PWWP2A: variants seen among roughly 807,000 people sequenced by gnomAD.
PWWP2A encodes the protein PWWP domain-containing protein 2A.
PWWP2A carries 18 observed loss-of-function variants against 48.5 expected under a neutral mutation model. The observed-to-expected ratio is 0.37, with a 90% CI of 0.26 to 0.55. The LOEUF (loss-of-function observed/expected upper bound fraction) is 0.55, where lower values mean the gene tolerates loss of function less well. Among genes scored for constraint, PWWP2A ranks in the 20% least tolerant of loss-of-function variants. The pLI is 0.81. For missense variants in PWWP2A, 867 were observed against 976.4 expected, an observed-to-expected ratio of 0.89 and a Z score of 1.49; for synonymous variants, 396 against 387.7, an observed-to-expected ratio of 1.02 and a Z score of -0.25.
At chr5:160,103,634 G>C (rs1024653981) in intron 1 of PWWP2A, among the ~76,000 whole-genome samples, 13 of 152,014 alleles carry the variant, frequency 8.6e-5, no homozygotes, top group African/African-American at 3.1e-4. Context: ...TAAGTGAAGA[G>C]CAAAACAGGG....
the PWWP2A span, among the ~76,000 whole-genome samples, chr5:160,048,807 C>G: frequency 6.6e-6 from 1 of 152,062 alleles, no homozygotes; most frequent in Non-Finnish European, 1.5e-5. Flanking sequence ...AAAAATTAGC[C>G]GGGCATGGTG....
At chr5:160,108,846 C>T (rs975885739) in intron 1 of PWWP2A, among the ~76,000 whole-genome samples, 2 of 152,066 alleles carry the variant, frequency 1.3e-5, no homozygotes, top group Admixed American at 1.3e-4. Flanking sequence ...AATTAAAATG[C>T]CCAAGCATTT....
At chr5:160,086,599 C>T (rs139604309), downstream of PWWP2A, among the ~76,000 whole-genome samples, 1 of 151,798 alleles carries the variant, frequency 6.6e-6, no homozygotes, top group African/African-American at 2.4e-5. Context: ...TTTTTAACAT[C>T]AAGGCTTTAT....
chr5:160,050,864 G>A, the PWWP2A span, among the ~76,000 whole-genome samples: 1 of 151,882 alleles, frequency 6.6e-6, no homozygotes. Flanking sequence ...GAGCTCAAGC[G>A]ATCCTCCCAA....
chr5:160,062,755 A>G (rs28373768), intron 5 of PWWP2A, among the ~76,000 whole-genome samples: 41 of 151,698 alleles, frequency 2.7e-4, no homozygotes, highest in African/African-American at 9.9e-4. Context: ...ACTCCATATC[A>G]CAAGAGCCAA....
chr5:160,115,454 C>T (rs1044964585), intron 1 of PWWP2A, among the ~76,000 whole-genome samples: 5 of 151,892 alleles, frequency 3.3e-5, no homozygotes, highest in African/African-American at 7.3e-5. Context: ...CACTTTGAGA[C>T]GCCGAGGTAG....
rs1193607644 is a variant in PWWP2A at position 160,085,064 on chromosome 5, T to C, written c.1550-4294A>G. Among the ~76,000 whole-genome samples the C allele has an allele frequency of 2.0e-5, 3 of 152,298 alleles. No individual in the cohort carries two copies. The East Asian group carries it at 5.8e-4, about 29-fold the overall frequency. The stretch of plus-strand genomic sequence containing the variant: ...TTTATTTAGAGATGGAGTTTCACTC[T>C]GTTACCCAGGCTGGAGTGTGGTGGC... On this transcript the variant is annotated intron_variant, in intron 2 of 3. Transcript: ENST00000456329.
At chr5:160,106,847 C>CA (rs1490915435) in intron 1 of PWWP2A, among the ~76,000 whole-genome samples, 1 of 113,322 alleles carries the variant, frequency 8.8e-6, no homozygotes, top group Non-Finnish European at 1.7e-5. Flanking sequence ...TTTTTTGAGA[C>CA]AGAGTCTCAC....
At chr5:160,062,228 C>T (rs1442084878) in intron 5 of PWWP2A, 1 of 152,228 alleles carries the variant, frequency 6.6e-6, no homozygotes, top group East Asian at 1.9e-4. Context: ...AGAATTCTTC[C>T]TCTCGTCGGC....
In PWWP2A at chr5:160,084,190, T is replaced by C. The variant is rs544540747; in HGVS notation, c.1550-3420A>G. ...GACATTTTTTTTATTGCTTTAAATA[T>C]TCTTTTAAATTCTCACAATTATCTT... On this transcript the variant is annotated intron_variant, in intron 2 of 3. Coordinates refer to the PWWP2A transcript ENST00000456329. 3.3e-5 allele frequency among the ~76,000 whole-genome samples: 5 copies of C among 152,316 alleles called. No individual in the cohort carries two copies. The South Asian group carries it at 8.3e-4, about 25-fold the overall frequency.
At chr5:160,075,768 G>A (rs1753856061), downstream of PWWP2A, 2 of 103,266 alleles carry the variant, frequency 1.9e-5, no homozygotes, top group Non-Finnish European at 1.8e-5. Flanking sequence ...ACTGAAAACA[G>A]CTCCCTAAAG....
At chr5:160,102,498 T>C (rs1756424224) in intron 1 of PWWP2A, among the ~76,000 whole-genome samples, 1 of 150,882 alleles carries the variant, frequency 6.6e-6, no homozygotes, top group Non-Finnish European at 1.5e-5. Flanking sequence ...GGAGTTTAAT[T>C]AAGTCCAGCC....
intron 2 of PWWP2A, among the ~76,000 whole-genome samples, chr5:160,082,503 G>A (rs115268626): frequency 0.024 from 3,587 of 152,136 alleles, 154 homozygotes; most frequent in African/African-American, 0.081. Flanking sequence ...AAACTTGTTA[G>A]GTTTCAACAA....
At chr5:160,103,050 G>T (rs1007456133) in intron 1 of PWWP2A, among the ~76,000 whole-genome samples, 1 of 152,090 alleles carries the variant, frequency 6.6e-6, no homozygotes, top group African/African-American at 2.4e-5. Context: ...TCTTAGAAAA[G>T]AAATGCTCCA....
downstream of PWWP2A, among the ~76,000 whole-genome samples, chr5:160,088,437 C>G (rs917463680): frequency 6.6e-5 from 10 of 152,002 alleles, no homozygotes; most frequent in Non-Finnish European, 1.5e-4. Flanking sequence ...TTAATAGAGA[C>G]GGGGGTTTCG....
At chr5:160,117,623 C>T (rs1156420094) in intron 1 of PWWP2A, among the ~76,000 whole-genome samples, 2 of 151,408 alleles carry the variant, frequency 1.3e-5, no homozygotes, top group Non-Finnish European at 2.9e-5. Flanking sequence ...CGCCACTGCA[C>T]TCCAGCCTGG....
the PWWP2A span, chr5:160,049,399 C>G: frequency 9.7e-7 from 1 of 1,032,640 alleles, no homozygotes. Context: ...ATACACTTGG[C>G]AAATGACTCT....
intron 1 of PWWP2A, among the ~76,000 whole-genome samples, chr5:160,118,469 G>A (rs1415142133): frequency 7.5e-6 from 1 of 132,788 alleles, no homozygotes; most frequent in African/African-American, 2.9e-5. Flanking sequence ...AAATCCATCT[G>A]CATCTTGCAT....
chr5:160,109,423 CAAG>C (rs1757221211), intron 1 of PWWP2A, among the ~76,000 whole-genome samples: 1 of 151,298 alleles, frequency 6.6e-6, no homozygotes, highest in Admixed American at 6.6e-5. Context: ...AAAGCTTCTG[CAAG>C]AAGATTTTTA....
Sources: gnomAD v4.1 joint callset for allele counts (sites outside exome capture counted in the v4.1 genomes callset) on GRCh38, gnomAD v4.1.1 for gene constraint, MANE v1.5 for transcripts, NCBI Gene and HGNC (gene_info 2026-07-23, HGNC 2026-07-21) for gene names.